NCOA6: variants seen among roughly 807,000 people sequenced by gnomAD.
NCOA6 encodes the protein nuclear receptor coactivator 6.
In NCOA6, 49 loss-of-function variants were observed where a neutral mutation model predicts 171.4. The ratio of observed to expected loss-of-function variants is 0.29; its 90% CI spans 0.23 to 0.36. The LOEUF is 0.36. NCOA6 is among the 10% of genes least tolerant of loss of function. The probability of loss-of-function intolerance (pLI) is 1.00; values close to 1 mark genes in which losing one functional copy is unlikely to be tolerated. For synonymous variants in NCOA6, 910 were observed against 927.5 expected (o/e 0.98, Z 0.34); for missense variants, 2,248 against 2,554.5 (o/e 0.88, Z 2.59).
chr20:34,764,009 ATTTTTT>A (rs11471838), intron 5 of NCOA6, among the ~76,000 whole-genome samples: 3 of 107,266 alleles, frequency 2.8e-5, no homozygotes, highest in Admixed American at 1.1e-4. Flanking sequence ...CACCTTTGAC[ATTTTTT>A]TTTTTTTTTT....
At chr20:34,784,481 C>T (rs1339639046) in intron 2 of NCOA6, among the ~76,000 whole-genome samples, 2 of 152,112 alleles carry the variant, frequency 1.3e-5, no homozygotes, top group African/African-American at 4.8e-5. Flanking sequence ...CCACCTTGGC[C>T]TCCCAAAGTG....
intron 1 of NCOA6, among the ~76,000 whole-genome samples, chr20:34,811,201 G>GTGTA (rs1555858015): frequency 1.9e-5 from 1 of 53,798 alleles, no homozygotes; most frequent in Admixed American, 1.8e-4. Flanking sequence ...ACAACAACGT[G>GTGTA]TATATATATA....
At chr20:34,805,977 C>T (rs986868072) in intron 1 of NCOA6, among the ~76,000 whole-genome samples, 3 of 152,174 alleles carry the variant, frequency 2.0e-5, no homozygotes, top group African/African-American at 4.8e-5. Context: ...TGAGCCACTG[C>T]GCCCAGCCCT....
At chr20:34,719,687 TTC>T (rs1989074266) in intron 14 of NCOA6, among the ~76,000 whole-genome samples, 1 of 151,592 alleles carries the variant, frequency 6.6e-6, no homozygotes, top group African/African-American at 2.4e-5. Flanking sequence ...GATTTGCCTA[TTC>T]ATTAGAGTAG....
intron 1 of NCOA6, among the ~76,000 whole-genome samples, chr20:34,824,334 T>A (rs1409122226): frequency 2.6e-5 from 4 of 152,246 alleles, no homozygotes; most frequent in South Asian, 2.1e-4. Context: ...CACTAACTTG[T>A]AAGATCTTGA....
rs766122081 is a variant in NCOA6, at chr20:34,749,434, G to A, written c.2761C>T (p.Arg921Trp). Residue 921 changes from arginine (R) to tryptophan (W), a missense_variant, in exon 9 of 15, where the codon CGG (arginine) becomes TGG (tryptophan). Arg to Trp is a moderately radical substitution (Grantham distance 101). Transcript: ENST00000359003. Reference protein sequence around the residue: ...ANKPKKKKPPRKKKNSQQDLN... With the variant: ...ANKPKKKKPPWKKKNSQQDLN... Reference sequence around the variant, plus strand: ...TCTTGCTGACTATTTTTCTTCTTCCGAGGGGGTTTCTTCTTCTTCGGTTTA... The same window carrying A: ...TCTTGCTGACTATTTTTCTTCTTCCAAGGGGGTTTCTTCTTCTTCGGTTTA... 23 of 1,610,422 alleles carry A rather than the reference G, an allele frequency of 1.4e-5. No individual in the cohort carries two copies. Among genetic ancestry groups the A allele is most frequent in the Non-Finnish European group, 1.8e-5 (21 of 1,177,968 alleles).
rs145342236 is a variant in NCOA6 at position 34,814,121 on chromosome 20, G to C, written c.-164+11351C>G. On this transcript the variant is annotated intron_variant, in intron 1 of 14. Transcript: ENST00000359003. ...TGAGGCGGGCAGATCACGAGGTCAG[G>C]AGTTCGAGACCAGCCTGGTCAACAC... is the stretch of plus-strand genomic sequence containing the variant. Among the ~76,000 whole-genome samples, 1,512 of 152,276 alleles carry C rather than the reference G, an allele frequency of 9.9e-3. 25 individuals carry two copies. The highest frequency in any genetic ancestry group is 0.033 in the African/African-American group (1,388 of 41,548).
chr20:34,821,858 A>G (rs2146790019), intron 1 of NCOA6, among the ~76,000 whole-genome samples: 1 of 152,324 alleles, frequency 6.6e-6, no homozygotes, highest in East Asian at 1.9e-4. Flanking sequence ...AAGTGCTGGG[A>G]TTACAGGCGT....
At chr20:34,718,834 G>A (rs1199193333) in intron 14 of NCOA6, among the ~76,000 whole-genome samples, 4 of 152,172 alleles carry the variant, frequency 2.6e-5, no homozygotes, top group Admixed American at 2.6e-4. Context: ...AGAAATTCTA[G>A]GTAAGTGATG....
intron 2 of NCOA6, among the ~76,000 whole-genome samples, chr20:34,790,356 ATTTAT>A (rs1159340259): frequency 6.6e-6 from 1 of 151,916 alleles, no homozygotes; most frequent in East Asian, 1.9e-4. Flanking sequence ...TTATTTATTT[ATTTAT>A]TTAATTATTT....
chr20:34,749,594 G>A lies in NCOA6; in HGVS notation c.2601C>T (p.Ser867=). Residue 867 remains serine, a synonymous_variant, in exon 9 of 15, where the codon TCC becomes TCT. Coordinates refer to ENST00000359003, the MANE Select transcript of NCOA6 (RefSeq NM_014071.5). ...CTGGGAAGCCTGGATTTTGACCACAGGACATCTGATTTCCATTGGGAGCTC... is the reference window on the plus strand; with the variant it reads ...CTGGGAAGCCTGGATTTTGACCACAAGACATCTGATTTCCATTGGGAGCTC... The part of the protein sequence containing the change: ...FSGAPNGNQM[S]CGQNPGFPVN... 6.2e-7 allele frequency: 1 copy of A among 1,614,172 alleles called. No individual in the cohort carries two copies. The highest frequency in any genetic ancestry group is 1.1e-5 in the South Asian group (1 of 91,082).
At chr20:34,730,176 C>G (rs1041634915) in intron 13 of NCOA6, among the ~76,000 whole-genome samples, 2 of 151,964 alleles carry the variant, frequency 1.3e-5, no homozygotes, top group African/African-American at 2.4e-5. Flanking sequence ...TCAAGTGATC[C>G]TCCCACCTTA....
At chr20:34,758,717 G>T in intron 6 of NCOA6, 88 bp downstream of exon 6, 4 of 1,514,010 alleles carry the variant, frequency 2.6e-6, no homozygotes, top group Non-Finnish European at 3.6e-6. Context: ...TTGGAAATTA[G>T]AAATTCAGCA....
At position 34,758,084 on chromosome 20, in the gene NCOA6, A is replaced by G; in HGVS notation, c.664T>C (p.Ser222Pro). 6.2e-7 allele frequency: 1 copy of G among 1,611,750 alleles called. No individual in the cohort carries two copies. The highest frequency in any genetic ancestry group is 8.5e-7 in the Non-Finnish European group (1 of 1,178,138). The change falls in exon 7 of 15, where the codon TCT becomes CCT. Residue 222 changes from serine to proline, a missense_variant. Physicochemically the swap from Ser to Pro is moderately conservative, Grantham distance 74. Transcript: ENST00000359003. ...SQSDAMDPLL[S>P]GLHIQQQSHP... The stretch of plus-strand genomic sequence containing the variant: ...CTTTGCTGCTGTATATGGAGCCCAG[A>G]GAGGAGTGGATCCATTGCATCTGTT...
chr20:34,802,970 C>T (rs1448180510), intron 1 of NCOA6, among the ~76,000 whole-genome samples: 1 of 152,006 alleles, frequency 6.6e-6, no homozygotes, highest in Non-Finnish European at 1.5e-5. Flanking sequence ...TCCACCATGC[C>T]CGGCTAATTT....
chr20:34,746,957 C>T (rs767476974), intron 9 of NCOA6, 29 bp from the exon 10 acceptor site: 2 of 1,298,096 alleles, frequency 1.5e-6, no homozygotes, highest in East Asian at 4.9e-5. Flanking sequence ...AAAAAAGTGA[C>T]ATATTTTAGA....
rs1187430103 is a variant in NCOA6, at chr20:34,730,783, G to GGCTC, written c.5999+1772_5999+1775dup. ...GTTGGAGTGCAGTGAGCACGACCAT[G>GGCTC]GCTCACTGCAACCTCGACCTCCCTG... On this transcript the variant is annotated intron_variant, in intron 13 of 14. Coordinates refer to ENST00000359003, the MANE Select transcript of NCOA6 (RefSeq NM_014071.5). Among the ~76,000 whole-genome samples the GGCTC allele has an allele frequency of 2.0e-5, 3 of 147,058 alleles. No homozygotes were observed. In the East Asian group the frequency reaches 6.0e-4, roughly 29 times the overall value.
intron 3 of NCOA6, among the ~76,000 whole-genome samples, chr20:34,777,966 G>A (rs1404559480): frequency 6.6e-6 from 1 of 152,156 alleles, no homozygotes; most frequent in Non-Finnish European, 1.5e-5. Context: ...GGAGTGCAAT[G>A]GCATGATCTT....
chr20:34,720,117 C>G (rs958319244), intron 14 of NCOA6, among the ~76,000 whole-genome samples: 1 of 152,034 alleles, frequency 6.6e-6, no homozygotes, highest in African/African-American at 2.4e-5. Context: ...TTTTTAACTA[C>G]CTTTTAAAAA....
Sources: allele counts gnomAD v4.1 joint callset (sites outside exome capture counted in the v4.1 genomes callset), GRCh38; gene constraint gnomAD v4.1.1; transcripts MANE v1.5; gene names NCBI Gene and HGNC (gene_info 2026-07-23, HGNC 2026-07-21).